PHF24: variants seen among roughly 807,000 people sequenced by gnomAD.
PHF24 encodes the protein Galpha inhibitory interacting protein.
In PHF24, 25 loss-of-function variants were observed where a neutral mutation model predicts 42.6. That is an observed-to-expected ratio of 0.59 (90% CI 0.43 to 0.82). The LOEUF (loss-of-function observed/expected upper bound fraction) is 0.82, where lower values mean the gene tolerates loss of function less well. Ranked by LOEUF, PHF24 falls within the 40% of genes least tolerant of loss-of-function variation. The probability of loss-of-function intolerance (pLI) is 0.00; values close to 1 mark genes in which losing one functional copy is unlikely to be tolerated. For missense variants in PHF24, 470 were observed against 538.1 expected, an observed-to-expected ratio of 0.87 and a Z score of 1.25; for synonymous variants, 185 against 204.8, an observed-to-expected ratio of 0.90 and a Z score of 0.83.
the PHF24 span, among the ~76,000 whole-genome samples, chr9:34,732,111 C>T: frequency 5.9e-5 from 9 of 151,662 alleles, no homozygotes; most frequent in African/African-American, 1.5e-4. Context: ...ATCCTCCCAC[C>T]TCGGCCTCCT....
the PHF24 span, among the ~76,000 whole-genome samples, chr9:34,747,222 C>T: frequency 5.3e-5 from 8 of 152,062 alleles, no homozygotes; most frequent in Non-Finnish European, 8.8e-5. Flanking sequence ...CAAGACCAGC[C>T]TGGGCAACAC....
chr9:34,689,892 C>T, the PHF24 span: 1 of 1,614,086 alleles, frequency 6.2e-7, no homozygotes, highest in Non-Finnish European at 8.5e-7. This position sits in a 1 kb window ranked among gnomAD's most constrained non-coding sequence, Gnocchi z 4.1. Flanking sequence ...GACAGGAGCT[C>T]AGAGGGAGGA....
At chr9:34,738,702 G>C in the PHF24 span, among the ~76,000 whole-genome samples, 548 of 152,208 alleles carry the variant, frequency 3.6e-3, 4 homozygotes, top group African/African-American at 0.013. Context: ...AAGAACATAC[G>C]GGGAAATTTT....
chr9:34,800,082 A>G, the PHF24 span, among the ~76,000 whole-genome samples: 1 of 134,586 alleles, frequency 7.4e-6, no homozygotes, highest in African/African-American at 2.5e-5. Context: ...TGACTTCACC[A>G]CTATGCAATA....
At chr9:34,672,428 A>AT in the PHF24 span, among the ~76,000 whole-genome samples, 1 of 152,200 alleles carries the variant, frequency 6.6e-6, no homozygotes, top group Non-Finnish European at 1.5e-5. Context: ...GAGCACCTGT[A>AT]TCTTAGACCA....
At chr9:34,782,501 A>G in the PHF24 span, among the ~76,000 whole-genome samples, 1 of 152,276 alleles carries the variant, frequency 6.6e-6, no homozygotes, top group South Asian at 2.1e-4. Context: ...AGATATTTGA[A>G]TGCCATATGG....
chr9:34,922,484 T>C, the PHF24 span: 1 of 1,317,338 alleles, frequency 7.6e-7, no homozygotes, highest in Non-Finnish European at 1.1e-6. Flanking sequence ...GGTGTGCTTG[T>C]TGTGACTGAT....
intron 3 of PHF24, among the ~76,000 whole-genome samples, chr9:34,974,543 A>G (rs1443698259): frequency 6.6e-6 from 1 of 152,002 alleles, no homozygotes; most frequent in Non-Finnish European, 1.5e-5. Flanking sequence ...CTTCTTCTCT[A>G]CTGATGCTCT....
At chr9:34,880,369 A>G in the PHF24 span, among the ~76,000 whole-genome samples, 8 of 152,248 alleles carry the variant, frequency 5.3e-5, no homozygotes, top group Non-Finnish European at 1.2e-4. Flanking sequence ...TTAAATGTAA[A>G]TGTAAATGGG....
At chr9:34,893,646 G>A in the PHF24 span, among the ~76,000 whole-genome samples, 2 of 152,034 alleles carry the variant, frequency 1.3e-5, no homozygotes, top group African/African-American at 2.4e-5. Flanking sequence ...AAGCCATTTG[G>A]CAAGGTGGGC....
chr9:34,835,200 G>C, the PHF24 span: 204 of 1,551,810 alleles, frequency 1.3e-4, no homozygotes, highest in African/African-American at 2.2e-3. Context: ...GTCTGGATGG[G>C]CTGGCCAGCC....
chr9:34,837,661 T>G, the PHF24 span: 2 of 1,522,330 alleles, frequency 1.3e-6, no homozygotes, highest in Non-Finnish European at 1.8e-6. Context: ...CACCTGTTGA[T>G]GCTGCATCTC....
At chr9:34,795,754 T>C in the PHF24 span, among the ~76,000 whole-genome samples, 1 of 152,112 alleles carries the variant, frequency 6.6e-6, no homozygotes, top group Admixed American at 6.6e-5. Context: ...CCCAGCACTT[T>C]GGGAGTCCGA....
At chr9:34,759,912 G>C in the PHF24 span, among the ~76,000 whole-genome samples, 1 of 152,178 alleles carries the variant, frequency 6.6e-6, no homozygotes, top group Non-Finnish European at 1.5e-5. Flanking sequence ...TTTAGCATAG[G>C]TTTATTTACT....
chr9:34,933,462 T>C, the PHF24 span, among the ~76,000 whole-genome samples: 2 of 152,122 alleles, frequency 1.3e-5, no homozygotes, highest in Non-Finnish European at 2.9e-5. Flanking sequence ...CAGTGGCTCA[T>C]GCCTGTAATC....
At chr9:34,723,723 T>C in the PHF24 span, 2 of 1,551,582 alleles carry the variant, frequency 1.3e-6, no homozygotes, top group African/African-American at 2.7e-5. Flanking sequence ...GTTGGTTGGC[T>C]CAGGAAAGGC....
At chr9:34,824,380 G>T in the PHF24 span, among the ~76,000 whole-genome samples, 1 of 152,244 alleles carries the variant, frequency 6.6e-6, no homozygotes, top group African/African-American at 2.4e-5. Context: ...CAAAATGTGT[G>T]TGCCTAGCAT....
At chr9:34,890,462 C>T in the PHF24 span, among the ~76,000 whole-genome samples, 1 of 152,198 alleles carries the variant, frequency 6.6e-6, no homozygotes, top group South Asian at 2.1e-4. Context: ...TGTCATGTCT[C>T]CACTGGGTGT....
At chr9:34,945,488 A>G in the PHF24 span, among the ~76,000 whole-genome samples, 2 of 152,164 alleles carry the variant, frequency 1.3e-5, no homozygotes, top group African/African-American at 4.8e-5. Flanking sequence ...AGAGCCTTAC[A>G]CTGCTGCTAT....
Sources: allele counts gnomAD v4.1 joint callset (sites outside exome capture counted in the v4.1 genomes callset), GRCh38; gene constraint gnomAD v4.1.1; non-coding constraint Gnocchi (gnomAD v3.1); transcripts MANE v1.5; gene names NCBI Gene and HGNC (gene_info 2026-07-23, HGNC 2026-07-21).